The following DAAM1 variants were observed in gnomAD, a reference collection of about 807,000 sequenced individuals.
DAAM1 encodes the protein dishevelled associated activator of morphogenesis 1.
DAAM1 carries 52 observed loss-of-function variants against 130.0 expected under a neutral mutation model. The observed-to-expected ratio is 0.40, with a 90% CI of 0.32 to 0.50. DAAM1 has a LOEUF of 0.50. Ranked by LOEUF, DAAM1 falls within the 20% of genes least tolerant of loss-of-function variation. The probability of loss-of-function intolerance (pLI) is 0.61; values close to 1 mark genes in which losing one functional copy is unlikely to be tolerated. For missense variants in DAAM1, 1,134 were observed against 1,303.8 expected, an observed-to-expected ratio of 0.87 and a Z score of 2.01; for synonymous variants, 452 against 444.5, an observed-to-expected ratio of 1.02 and a Z score of -0.21.
chr14:59,319,048 C>A (rs1004587871), intron 4 of DAAM1, among the ~76,000 whole-genome samples: 2 of 152,174 alleles, frequency 1.3e-5, no homozygotes, highest in African/African-American at 4.8e-5. Flanking sequence ...GCATAAGAGT[C>A]CAAACGAGTT....
intron 1 of DAAM1, among the ~76,000 whole-genome samples, chr14:59,200,987 C>T (rs1370052294): frequency 3.3e-5 from 5 of 151,766 alleles, no homozygotes; most frequent in Non-Finnish European, 1.5e-5. Flanking sequence ...TGATGAAATC[C>T]TGTCTCCACT....
intron 17 of DAAM1, 36 bp downstream of exon 17, chr14:59,347,659 A>G: frequency 6.3e-7 from 1 of 1,596,818 alleles, no homozygotes; most frequent in Non-Finnish European, 8.6e-7. Context: ...CAGAAGTGAA[A>G]AGCGACCATC....
chr14:59,235,729 G>A (rs1222784339), intron 1 of DAAM1, among the ~76,000 whole-genome samples: 1 of 152,120 alleles, frequency 6.6e-6, no homozygotes, highest in Non-Finnish European at 1.5e-5. Flanking sequence ...TAATTGTGAT[G>A]TTAGGGTGTT....
Position 59,355,281 on chromosome 14 carries a change from T to A in DAAM1, c.2473T>A (p.Phe825Ile), listed in dbSNP as rs774511016. 1.2e-6 allele frequency: 2 copies of A among 1,614,094 alleles called. No homozygotes were observed. Among genetic ancestry groups the A allele is most frequent in the Non-Finnish European group, 1.7e-6 (2 of 1,179,998 alleles). ...AGGTCAAAGAGGGAATGCATATGGA[T>A]TCAAGATATCTAGCCTAAACAAAAT... ...NKGQRGNAYGFKISSLNKIAD... is the reference protein window; with the variant it reads ...NKGQRGNAYGIKISSLNKIAD... The change falls in exon 20 of 25, where the codon TTC (phenylalanine) becomes ATC (isoleucine). Residue 825 changes from phenylalanine (F) to isoleucine (I), a missense_variant. Physicochemically the swap from Phe to Ile is conservative, Grantham distance 21 (BLOSUM62 0). Around this residue, in one of 3 missense-constraint regions of DAAM1, gnomAD observed 644 missense variants for 695.9 expected, o/e 0.93. Transcript: ENST00000360909.
intron 2 of DAAM1, among the ~76,000 whole-genome samples, chr14:59,269,651 G>A (rs962901279): frequency 2.0e-5 from 3 of 152,184 alleles, no homozygotes; most frequent in Non-Finnish European, 4.4e-5. Context: ...GGAGGGTGCT[G>A]TTCACTAACA....
At chr14:59,266,185 A>C (rs1254332327) in intron 2 of DAAM1, 5 of 151,956 alleles carry the variant, frequency 3.3e-5, no homozygotes, top group Non-Finnish European at 7.4e-5. Context: ...AAAAAAGTCA[A>C]CCAAAGGACA....
At chr14:59,286,377 C>G (rs926130669) in intron 2 of DAAM1, among the ~76,000 whole-genome samples, 10 of 151,904 alleles carry the variant, frequency 6.6e-5, no homozygotes, top group African/African-American at 2.2e-4. Flanking sequence ...ACTAGAAAAA[C>G]AAGAGCAAGT....
At chr14:59,241,683 T>G (rs1311478364) in intron 1 of DAAM1, among the ~76,000 whole-genome samples, 1 of 152,200 alleles carries the variant, frequency 6.6e-6, no homozygotes, top group Non-Finnish European at 1.5e-5. Flanking sequence ...CTTCCCTGTG[T>G]CTTCTAATTA....
In DAAM1 at chr14:59,367,324, A is replaced by AACTT. The variant is rs1886957837; in HGVS notation, c.2827-102_2827-99dup. The stretch of plus-strand genomic sequence containing the variant: ...GAAATAAAAATAAATGAGCAAACAA[A>AACTT]ACTTACGTTTGACTCAATCTGGGCT... On this transcript the variant is annotated intron_variant, in intron 23 of 24. Transcript: ENST00000360909. The AACTT allele has an allele frequency of 1.2e-5, 18 of 1,469,872 alleles. No homozygotes were observed. In the South Asian group the frequency reaches 2.6e-4, roughly 21 times the overall value. 91.1% of individuals were successfully genotyped at this position (1,469,872 alleles called of 1,614,324 possible).
At chr14:59,259,154 T>A (rs1882047675) in intron 1 of DAAM1, among the ~76,000 whole-genome samples, 1 of 152,200 alleles carries the variant, frequency 6.6e-6, no homozygotes, top group Non-Finnish European at 1.5e-5. Context: ...CTATTGCTGT[T>A]TATTTATTCT....
At chr14:59,199,976 A>G (rs1330582674) in intron 1 of DAAM1, among the ~76,000 whole-genome samples, 12 of 152,224 alleles carry the variant, frequency 7.9e-5, no homozygotes, top group Admixed American at 7.9e-4. Flanking sequence ...GACTTTAATC[A>G]TTGAACCAAG....
At chr14:59,313,300 G>A (rs1884663571) in intron 3 of DAAM1, among the ~76,000 whole-genome samples, 1 of 152,194 alleles carries the variant, frequency 6.6e-6, no homozygotes, top group Non-Finnish European at 1.5e-5. Flanking sequence ...GATCACGTTA[G>A]TACATTTACA....
chr14:59,334,333 A>G (rs571053854), intron 15 of DAAM1, among the ~76,000 whole-genome samples: 2 of 152,314 alleles, frequency 1.3e-5, no homozygotes, highest in African/African-American at 2.4e-5. Flanking sequence ...CTCAAGACCT[A>G]TGCATTTTCA....
chr14:59,344,014 T>C (rs1885959924), intron 16 of DAAM1, among the ~76,000 whole-genome samples: 1 of 152,160 alleles, frequency 6.6e-6, no homozygotes, highest in Non-Finnish European at 1.5e-5. Context: ...ATTTACTCTG[T>C]TTTATTCCCC....
intron 1 of DAAM1, among the ~76,000 whole-genome samples, chr14:59,229,635 C>G (rs1400761034): frequency 6.6e-6 from 1 of 152,122 alleles, no homozygotes; most frequent in Non-Finnish European, 1.5e-5. Context: ...TCTTTCTTTA[C>G]TTCCTAAGAG....
At chr14:59,229,233 G>C (rs887957669) in intron 1 of DAAM1, among the ~76,000 whole-genome samples, 1 of 152,186 alleles carries the variant, frequency 6.6e-6, no homozygotes, top group Non-Finnish European at 1.5e-5. Flanking sequence ...GCATTTTGTA[G>C]TGTGTTTTTC....
At position 59,363,508 on chromosome 14, in the gene DAAM1, G is replaced by GTATA. The variant is rs1279364639; in HGVS notation, c.2695-142_2695-139dup. On this transcript the variant is annotated intron_variant, in intron 22 of 24. Transcript: ENST00000360909. ...TGGGAGGAAGGGCAGGGGCACTAGA[G>GTATA]TATAACAAAATGTTTTAGAACAAGT... 22 of 1,217,142 alleles carry GTATA rather than the reference G, an allele frequency of 1.8e-5. No homozygotes were observed. In the East Asian group the frequency reaches 5.6e-4, roughly 31 times the overall value. 75.4% of individuals were successfully genotyped at this position (1,217,142 alleles called of 1,614,324 possible). A position where few individuals can be genotyped will look rare whatever the true frequency, so the allele number is the denominator to read the frequency against.
At chr14:59,368,602 T>G in intron 24 of DAAM1, 48 bp from the exon 25 acceptor site, 1 of 1,570,062 alleles carries the variant, frequency 6.4e-7, no homozygotes, top group African/African-American at 1.4e-5. Context: ...GCAAACAAAA[T>G]GCAACATTTT....
chr14:59,211,108 G>A (rs961208199), intron 1 of DAAM1, among the ~76,000 whole-genome samples: 2 of 152,028 alleles, frequency 1.3e-5, no homozygotes, highest in Non-Finnish European at 2.9e-5. Flanking sequence ...AATGCTTTAG[G>A]TTTGGTAAAG....
Sources: allele counts gnomAD v4.1 joint callset (sites outside exome capture counted in the v4.1 genomes callset), GRCh38; gene constraint gnomAD v4.1.1; regional missense constraint gnomAD v4.1.1; transcripts MANE v1.5; gene names NCBI Gene and HGNC (gene_info 2026-07-23, HGNC 2026-07-21).